RGL1: variants seen among roughly 807,000 people sequenced by gnomAD.
RGL1 encodes the protein ral guanine nucleotide dissociation stimulator like 1.
Under a neutral mutation model 95.2 loss-of-function variants are expected in RGL1, and 24 were observed. That is an observed-to-expected ratio of 0.25 (90% CI 0.18 to 0.35). The LOEUF (loss-of-function observed/expected upper bound fraction) is 0.35, where lower values mean the gene tolerates loss of function less well. RGL1 is among the 10% of genes least tolerant of loss of function. The pLI is 1.00. For synonymous variants in RGL1, 329 were observed against 344.9 expected (o/e 0.95, Z 0.51); for missense variants, 715 against 936.3 (o/e 0.76, Z 3.08).
At chr1:183,834,984 A>G (rs1210540140) in intron 2 of RGL1, among the ~76,000 whole-genome samples, 1 of 152,172 alleles carries the variant, frequency 6.6e-6, no homozygotes, top group African/African-American at 2.4e-5. Flanking sequence ...TGCCTGGCCA[A>G]AGCACTTTTA....
In RGL1 at chr1:183,910,915, A is replaced by G. The variant is rs540199283; in HGVS notation, c.1563-1167A>G. Among the ~76,000 whole-genome samples, 40 of 152,306 alleles carry G rather than the reference A, an allele frequency of 2.6e-4. No individual in the cohort carries two copies. In the South Asian group the frequency reaches 7.9e-3, roughly 30 times the overall value. ...CTTGGCTTATAGTAGACATGCAGAT[A>G]TTTGTTGGATGAATAAGCACATTAT... On this transcript the variant is annotated intron_variant, in intron 14 of 17. Transcript: ENST00000360851.
chr1:183,885,755 GA>G (rs1190544515), intron 7 of RGL1, among the ~76,000 whole-genome samples: 2 of 152,178 alleles, frequency 1.3e-5, no homozygotes, highest in Non-Finnish European at 2.9e-5. Flanking sequence ...CACAAACAAG[GA>G]AGCTAAGATA....
At chr1:183,640,030 C>T (rs1649817386) in intron 1 of RGL1, among the ~76,000 whole-genome samples, 1 of 151,920 alleles carries the variant, frequency 6.6e-6, no homozygotes, top group South Asian at 2.1e-4. Context: ...TTAGTAGAGA[C>T]GGGGTTTCAC....
At chr1:183,756,734 C>G (rs12141506) in intron 2 of RGL1, among the ~76,000 whole-genome samples, 67,667 of 151,974 alleles carry the variant, frequency 0.45, 16,099 homozygotes, top group East Asian at 0.8. Context: ...GTCTGTCCTT[C>G]AGACCAGGCC....
intron 1 of RGL1, among the ~76,000 whole-genome samples, chr1:183,725,265 T>A (rs915498440): frequency 6.6e-6 from 1 of 152,170 alleles, no homozygotes; most frequent in Admixed American, 6.5e-5. Flanking sequence ...GATGGTGTAT[T>A]AGTCTGTTCT....
chr1:183,866,473 C>T (rs186412160), intron 4 of RGL1, among the ~76,000 whole-genome samples: 1 of 152,266 alleles, frequency 6.6e-6, no homozygotes, highest in East Asian at 1.9e-4. Context: ...GGTCTGTTGG[C>T]ATTGGAGCAC....
At chr1:183,827,228 C>A (rs1430360094) in intron 2 of RGL1, among the ~76,000 whole-genome samples, 2 of 152,142 alleles carry the variant, frequency 1.3e-5, no homozygotes, top group Non-Finnish European at 2.9e-5. Context: ...CGGCCGTGTG[C>A]CAGTTTCTTA....
intron 2 of RGL1, among the ~76,000 whole-genome samples, chr1:183,776,692 T>C (rs1659623138): frequency 6.6e-6 from 1 of 151,978 alleles, no homozygotes; most frequent in Admixed American, 6.6e-5. Context: ...GAATGGAGAA[T>C]GAAGAATAGT....
intron 2 of RGL1, among the ~76,000 whole-genome samples, chr1:183,820,475 A>AC (rs537230276): frequency 6.9e-4 from 105 of 152,202 alleles, no homozygotes; most frequent in African/African-American, 2.5e-3. Flanking sequence ...TTGCATGAGG[A>AC]CCCTGATAGC....
At chr1:183,800,130 T>A (rs1289489077), upstream of RGL1, among the ~76,000 whole-genome samples, 1 of 152,206 alleles carries the variant, frequency 6.6e-6, no homozygotes, top group Non-Finnish European at 1.5e-5. Flanking sequence ...CCCAGACACA[T>A]AAATATCACT....
Position 183,926,587 on chromosome 1 carries a change from C to A in RGL1, c.*295C>A, listed in dbSNP as rs4634865. 101,610 of 181,212 alleles carry A rather than the reference C, an allele frequency of 0.56. 28,655 individuals are homozygous for A. The highest frequency in any genetic ancestry group is 0.58 in the African/African-American group (24,434 of 42,164). 11.2% of individuals were successfully genotyped at this position (181,212 alleles called of 1,614,324 possible). Reference sequence around the variant, plus strand: ...ACATGTATTTGGTATGCATGTGTATCTATATAAAAATATATAAGAGGGACT... The same window carrying A: ...ACATGTATTTGGTATGCATGTGTATATATATAAAAATATATAAGAGGGACT... On this transcript the variant is annotated 3_prime_UTR_variant, in exon 18 of 18. Transcript: ENST00000360851.
intron 1 of RGL1, among the ~76,000 whole-genome samples, chr1:183,706,663 G>A (rs1315370921): frequency 1.3e-5 from 2 of 152,210 alleles, no homozygotes; most frequent in African/African-American, 4.8e-5. Context: ...ACTTGAAACA[G>A]GCACCAGGTG....
At chr1:183,688,653 A>G (rs1653763707) in intron 1 of RGL1, among the ~76,000 whole-genome samples, 1 of 152,184 alleles carries the variant, frequency 6.6e-6, no homozygotes, top group South Asian at 2.1e-4. Flanking sequence ...TTAGTTCAGC[A>G]GTATTATTAA....
At chr1:183,879,188 G>A (rs186567572) in intron 4 of RGL1, among the ~76,000 whole-genome samples, 3 of 133,692 alleles carry the variant, frequency 2.2e-5, no homozygotes, top group African/African-American at 5.6e-5. Flanking sequence ...ATGCTTTAAC[G>A]TTCCACATTA....
At chr1:183,920,861 C>T (rs1283910629) in intron 16 of RGL1, among the ~76,000 whole-genome samples, 1 of 152,182 alleles carries the variant, frequency 6.6e-6, no homozygotes, top group Non-Finnish European at 1.5e-5. Context: ...TTTATGGAAT[C>T]ACAAACACCA....
At chr1:183,767,572 A>G (rs1409084207) in intron 2 of RGL1, among the ~76,000 whole-genome samples, 2 of 152,212 alleles carry the variant, frequency 1.3e-5, no homozygotes, top group African/African-American at 4.8e-5. Flanking sequence ...TATGCAGAAT[A>G]GAAAATATAG....
intron 13 of RGL1, 48 bp downstream of exon 13, chr1:183,905,019 A>G (rs752754838): frequency 6.3e-7 from 1 of 1,584,488 alleles, no homozygotes; most frequent in African/African-American, 1.4e-5. Context: ...TGTTGGCAAG[A>G]AAAATGCTGC....
At chr1:183,652,505 C>G (rs1572226178) in intron 1 of RGL1, among the ~76,000 whole-genome samples, 2 of 152,202 alleles carry the variant, frequency 1.3e-5, no homozygotes, top group East Asian at 3.8e-4. Context: ...AACTGTTGCC[C>G]TCTTTGAACT....
chr1:183,701,677 G>A (rs544462904), intron 1 of RGL1, among the ~76,000 whole-genome samples: 1 of 151,952 alleles, frequency 6.6e-6, no homozygotes, highest in Non-Finnish European at 1.5e-5. Flanking sequence ...AGTGGCTCAT[G>A]CCTGTAATCC....
Sources: allele counts gnomAD v4.1 joint callset (sites outside exome capture counted in the v4.1 genomes callset), GRCh38; gene constraint gnomAD v4.1.1; transcripts MANE v1.5; gene names NCBI Gene and HGNC (gene_info 2026-07-23, HGNC 2026-07-21).